Variants in NTNG1 observed in about 807,000 individuals in gnomAD.
The protein encoded by NTNG1 is netrin-G1.
NTNG1 carries 16 observed loss-of-function variants against 54.0 expected under a neutral mutation model. The ratio of observed to expected loss-of-function variants is 0.30; its 90% CI spans 0.20 to 0.45. NTNG1 has a LOEUF of 0.45. Among genes scored for constraint, NTNG1 ranks in the 20% least tolerant of loss-of-function variants. The pLI is 1.00. For synonymous variants in NTNG1, 255 were observed against 263.1 expected (o/e 0.97, Z 0.30); for missense variants, 530 against 678.7 (o/e 0.78, Z 2.43).
intron 3 of NTNG1, among the ~76,000 whole-genome samples, chr1:107,391,876 T>C (rs1376751061): frequency 6.6e-6 from 1 of 152,050 alleles, no homozygotes; most frequent in African/African-American, 2.4e-5. Context: ...CATTTCAACA[T>C]GAGATTTGGA....
At chr1:107,460,142 C>A (rs488747) in intron 7 of NTNG1, among the ~76,000 whole-genome samples, 147,891 of 152,266 alleles carry the variant, frequency 0.97, 71,969 homozygotes, top group East Asian at 1. Context: ...GGCCCGTTTC[C>A]TCAAGGGCAG....
At chr1:107,443,746 A>G (rs557708379) in intron 7 of NTNG1, among the ~76,000 whole-genome samples, 9 of 152,218 alleles carry the variant, frequency 5.9e-5, no homozygotes, top group African/African-American at 1.9e-4. Flanking sequence ...ATGTCTATCA[A>G]TCTCTATCAC....
chr1:107,343,597 A>G (rs962863762), intron 3 of NTNG1, among the ~76,000 whole-genome samples: 2 of 151,986 alleles, frequency 1.3e-5, no homozygotes, highest in African/African-American at 2.4e-5. Flanking sequence ...CTGCAGAAGA[A>G]AAGGCTGCAG....
chr1:107,270,364 C>G (rs1664061364), intron 2 of NTNG1, among the ~76,000 whole-genome samples: 1 of 152,116 alleles, frequency 6.6e-6, no homozygotes, highest in African/African-American at 2.4e-5. Flanking sequence ...AAAGTTCAGG[C>G]TTTGGAATCA....
rs567025221 is a variant in NTNG1, at chr1:107,439,845, A to G, written c.1390+3046A>G. Among the ~76,000 whole-genome samples the G allele has an allele frequency of 2.6e-5, 4 of 151,948 alleles. No individual in the cohort carries two copies. In the East Asian group the frequency reaches 7.8e-4, roughly 30 times the overall value. Reference sequence around the variant, plus strand: ...AGGATTATAGTTGATGTGCATTCTGATTAGTTGGTGCTGGAAGGTTGATAA... The same window carrying G: ...AGGATTATAGTTGATGTGCATTCTGGTTAGTTGGTGCTGGAAGGTTGATAA... On this transcript the variant is annotated intron_variant, in intron 7 of 7. Coordinates refer to ENST00000370068, the MANE Select transcript of NTNG1 (RefSeq NM_001113226.3).
chr1:107,301,377 A>C (rs1666300899), intron 2 of NTNG1, among the ~76,000 whole-genome samples: 1 of 152,172 alleles, frequency 6.6e-6, no homozygotes, highest in Non-Finnish European at 1.5e-5. Flanking sequence ...GGAATGTGGA[A>C]CAGCCTCCAA....
chr1:107,203,466 A>C (rs967749955), intron 2 of NTNG1, among the ~76,000 whole-genome samples: 3 of 151,564 alleles, frequency 2.0e-5, no homozygotes, highest in African/African-American at 4.8e-5. Flanking sequence ...CAATTTTGTC[A>C]ATTTTATTTT....
intron 2 of NTNG1, among the ~76,000 whole-genome samples, chr1:107,297,486 A>G (rs1381369222): frequency 6.6e-6 from 1 of 151,910 alleles, no homozygotes; most frequent in African/African-American, 2.4e-5. Flanking sequence ...TAGACATCTA[A>G]CAAATGATAT....
intron 7 of NTNG1, among the ~76,000 whole-genome samples, chr1:107,472,723 GT>G (rs775694415): frequency 2.1e-4 from 32 of 151,498 alleles, no homozygotes; most frequent in African/African-American, 6.3e-4. Flanking sequence ...AAGAAAAAAG[GT>G]TTTTTTTTGT....
intron 2 of NTNG1, among the ~76,000 whole-genome samples, chr1:107,259,412 T>C (rs1308232514): frequency 1.3e-5 from 2 of 152,170 alleles, no homozygotes; most frequent in African/African-American, 4.8e-5. Flanking sequence ...GAAGCATGTG[T>C]AAGGCATGAA....
intron 2 of NTNG1, among the ~76,000 whole-genome samples, chr1:107,198,367 C>T (rs1658491618): frequency 6.6e-6 from 1 of 151,936 alleles, no homozygotes; most frequent in Non-Finnish European, 1.5e-5. Context: ...GAGTACATGA[C>T]AGTTTCATTA....
intron 4 of NTNG1, among the ~76,000 whole-genome samples, chr1:107,403,367 A>G (rs1000833517): frequency 1.3e-5 from 2 of 152,124 alleles, no homozygotes; most frequent in Admixed American, 6.6e-5. Context: ...CTGTTCTAGA[A>G]GAAGCGTTAT....
At chr1:107,454,169 C>A (rs1294400594) in intron 7 of NTNG1, among the ~76,000 whole-genome samples, 1 of 152,108 alleles carries the variant, frequency 6.6e-6, no homozygotes, top group African/African-American at 2.4e-5. Flanking sequence ...CAAACAATAC[C>A]ACACAACAGA....
intron 2 of NTNG1, among the ~76,000 whole-genome samples, chr1:107,255,792 T>C (rs1662894384): frequency 6.6e-6 from 1 of 152,192 alleles, no homozygotes; most frequent in African/African-American, 2.4e-5. Context: ...TAGCCTGGAA[T>C]CTTGAAAAAT....
intron 3 of NTNG1, among the ~76,000 whole-genome samples, chr1:107,388,565 T>A (rs1325976601): frequency 6.6e-6 from 1 of 152,210 alleles, no homozygotes; most frequent in Non-Finnish European, 1.5e-5. Context: ...TGAAACAATA[T>A]GTGAAAAATG....
intron 2 of NTNG1, among the ~76,000 whole-genome samples, chr1:107,295,284 A>G (rs962815344): frequency 6.6e-6 from 1 of 152,158 alleles, no homozygotes; most frequent in African/African-American, 2.4e-5. Context: ...GTCATTACCT[A>G]TACCTTTTTG....
intron 5 of NTNG1, among the ~76,000 whole-genome samples, chr1:107,423,976 T>C (rs576330851): frequency 6.6e-6 from 1 of 152,252 alleles, no homozygotes; most frequent in Non-Finnish European, 1.5e-5. Context: ...CAGTGCTTAG[T>C]GTATGCCAGG....
intron 7 of NTNG1, among the ~76,000 whole-genome samples, chr1:107,443,736 A>T (rs998469784): frequency 6.6e-6 from 1 of 152,132 alleles, no homozygotes; most frequent in African/African-American, 2.4e-5. Context: ...TGGCCCTCAC[A>T]TGTCTATCAA....
intron 2 of NTNG1, among the ~76,000 whole-genome samples, chr1:107,310,218 A>G (rs772247393): frequency 6.6e-6 from 1 of 152,092 alleles, no homozygotes; most frequent in Non-Finnish European, 1.5e-5. Context: ...CTCTCTAACA[A>G]TAGATTTTTG....
Sources: gnomAD v4.1 joint callset for allele counts (sites outside exome capture counted in the v4.1 genomes callset) on GRCh38, gnomAD v4.1.1 for gene constraint, MANE v1.5 for transcripts, NCBI Gene and HGNC (gene_info 2026-07-23, HGNC 2026-07-21) for gene names.